PHACTR2: variants seen among roughly 807,000 people sequenced by gnomAD.
PHACTR2 encodes phosphatase and actin regulator 2.
A neutral mutation model predicts 76.0 loss-of-function variants in PHACTR2; 30 were observed. The observed-to-expected ratio is 0.39, with a 90% confidence interval of 0.30 to 0.54. The LOEUF (loss-of-function observed/expected upper bound fraction) is 0.54. Among genes scored for constraint, PHACTR2 ranks in the 20% least tolerant of loss-of-function variants. The pLI is 0.61. For synonymous variants in PHACTR2, 292 were observed against 292.5 expected (o/e 1.00, Z 0.02); for missense variants, 696 against 781.1 (o/e 0.89, Z 1.30).
chr6:143,622,688 T>C (rs1318108202), intron 1 of PHACTR2, among the ~76,000 whole-genome samples: 1 of 152,208 alleles, frequency 6.6e-6, no homozygotes, highest in African/African-American at 2.4e-5. Context: ...ATGAGGTTAG[T>C]AAAAATCCTT....
At chr6:143,563,580 C>T (rs1775315610) in intron 1 of PHACTR2, among the ~76,000 whole-genome samples, 1 of 136,602 alleles carries the variant, frequency 7.3e-6, no homozygotes, top group Non-Finnish European at 1.6e-5. Flanking sequence ...AAGAAGAAAC[C>T]CTGTGTTCTT....
chr6:143,645,463 G>A lies in PHACTR2; in HGVS notation c.13+37141G>A, dbSNP rs575264953. ...ATGTTATTTGGTTTTTATAACAGGA[G>A]ATATAGCTTGTTTATTTCAAGCCAC... On this transcript the variant is annotated intron_variant, in intron 1 of 11. Transcript: ENST00000305766. Among the ~76,000 whole-genome samples, 10 of 152,240 alleles carry A rather than the reference G, an allele frequency of 6.6e-5. No individual in the cohort carries two copies. The East Asian group carries it at 1.9e-3, about 29-fold the overall frequency.
In PHACTR2 at chr6:143,652,053, T is replaced by A. The variant is rs1220084920; in HGVS notation, c.13+43731T>A. ...AGCCTCCAGCCTGAGAAATTAAAGTTCTGTTGTTTAAGCAAAAAAAAAAAA... is the reference window on the plus strand; with the variant it reads ...AGCCTCCAGCCTGAGAAATTAAAGTACTGTTGTTTAAGCAAAAAAAAAAAA... On this transcript the variant is annotated intron_variant, in intron 1 of 11. Coordinates refer to the PHACTR2 transcript ENST00000305766. The surrounding 1 kb of genome is among the most constrained non-coding windows in gnomAD (Gnocchi z 4.5). Among the ~76,000 whole-genome samples, 1 of 142,774 alleles carries A rather than the reference T, an allele frequency of 7.0e-6. No homozygotes were observed. The highest frequency in any genetic ancestry group is 2.7e-5 in the African/African-American group (1 of 37,344). 93.7% of individuals were successfully genotyped at this position (142,774 alleles called of 152,430 possible). A position where few individuals can be genotyped will look rare whatever the true frequency, so the allele number is the denominator to read the frequency against.
intron 11 of PHACTR2, among the ~76,000 whole-genome samples, chr6:143,796,992 TTCCAAATGGTTGAACTAATTTACAC>T (rs1245689293): frequency 6.6e-6 from 1 of 152,222 alleles, no homozygotes; most frequent in Non-Finnish European, 1.5e-5. Context: ...CCACACTGTC[TTCCAAATGGTTGAACTAATTTACAC>T]TCCCACTAAC....
rs1776061909 is a variant in PHACTR2 at position 143,616,594 on chromosome 6, T to A, written c.13+8272T>A. ...TGGTCACCCACTCTGTGCCACGCAA[T>A]GTCCTAGTTAGTGTGGATATGAGAG... On this transcript the variant is annotated intron_variant, in intron 1 of 11. Coordinates refer to the PHACTR2 transcript ENST00000305766. The surrounding 1 kb of genome is among the most constrained non-coding windows in gnomAD (Gnocchi z 4.9). 6.6e-6 allele frequency among the ~76,000 whole-genome samples: 1 copy of A among 152,168 alleles called. No homozygotes were observed. The highest frequency in any genetic ancestry group is 1.5e-5 in the Non-Finnish European group (1 of 68,044).
chr6:143,731,572 C>T lies in PHACTR2; in HGVS notation c.215-17413C>T, dbSNP rs1278019009. The stretch of plus-strand genomic sequence containing the variant: ...AAAGTGCTGGGATTACAGGCATGAG[C>T]TACGGCGCCCAGCCAGCCCCACTGT... On this transcript the variant is annotated intron_variant, in intron 2 of 12. Transcript: ENST00000440869. The surrounding 1 kb of genome is among the most constrained non-coding windows in gnomAD (Gnocchi z 4.9). Among the ~76,000 whole-genome samples, 1 of 152,114 alleles carries T rather than the reference C, an allele frequency of 6.6e-6. No individual in the cohort carries two copies. The highest frequency in any genetic ancestry group is 2.4e-5 in the African/African-American group (1 of 41,422).
chr6:143,616,757 G>C lies in PHACTR2; in HGVS notation c.13+8435G>C, dbSNP rs1428526280. Among the ~76,000 whole-genome samples, 1 of 152,186 alleles carries C rather than the reference G, an allele frequency of 6.6e-6. No individual in the cohort carries two copies. Among genetic ancestry groups the C allele is most frequent in the Non-Finnish European group, 1.5e-5 (1 of 68,032 alleles). On this transcript the variant is annotated intron_variant, in intron 1 of 11. Coordinates refer to the PHACTR2 transcript ENST00000305766. The surrounding 1 kb of genome is among the most constrained non-coding windows in gnomAD (Gnocchi z 4.9). ...TGGTATTTGGATAAGGAATGAGGTT[G>C]GGGTGGAGGCTACGCCAGACTCGGT...
chr6:143,682,976 G>A (rs918936716), intron 1 of PHACTR2, among the ~76,000 whole-genome samples: 1 of 152,204 alleles, frequency 6.6e-6, no homozygotes, highest in South Asian at 2.1e-4. Context: ...CTATTCATTT[G>A]TCATGTTACG....
At chr6:143,544,141 A>C (rs1311267847) in intron 1 of PHACTR2, among the ~76,000 whole-genome samples, 1 of 151,980 alleles carries the variant, frequency 6.6e-6, no homozygotes, top group East Asian at 1.9e-4. Context: ...TGTTACTCTA[A>C]ACTTGCCCTG....
chr6:143,759,679 CA>C (rs796561358), intron 4 of PHACTR2, among the ~76,000 whole-genome samples: 929 of 68,052 alleles, frequency 0.014, 3 homozygotes, highest in African/African-American at 0.029. Context: ...CACACACATA[CA>C]AAAAAAAAAA....
At chr6:143,682,000 G>A (rs1330450107) in intron 1 of PHACTR2, among the ~76,000 whole-genome samples, 1 of 152,176 alleles carries the variant, frequency 6.6e-6, no homozygotes, top group East Asian at 1.9e-4. Context: ...AAACCTAGAA[G>A]TATGAGTTTT....
At chr6:143,711,194 G>T in intron 1 of PHACTR2, 39 of 345,138 alleles carry the variant, frequency 1.1e-4, no homozygotes, top group East Asian at 2.6e-4. Flanking sequence ...CTACTGTTTT[G>T]ATTTTTTCTT....
At chr6:143,746,923 A>G (rs916589568) in intron 2 of PHACTR2, among the ~76,000 whole-genome samples, 3 of 152,090 alleles carry the variant, frequency 2.0e-5, no homozygotes, top group African/African-American at 7.2e-5. Flanking sequence ...TGCTTCTGGA[A>G]GATACAGGAA....
intron 11 of PHACTR2, among the ~76,000 whole-genome samples, chr6:143,796,590 G>A (rs1474199236): frequency 6.6e-6 from 1 of 151,650 alleles, no homozygotes; most frequent in African/African-American, 2.4e-5. Context: ...GCCCCAGTGT[G>A]TGATGTTCCC....
intron 12 of PHACTR2, among the ~76,000 whole-genome samples, chr6:143,808,838 T>C (rs1776117450): frequency 6.6e-6 from 1 of 152,188 alleles, no homozygotes; most frequent in African/African-American, 2.4e-5. Context: ...CAACAACATG[T>C]CCCTATCAAG....
chr6:143,743,499 A>C lies in PHACTR2; in HGVS notation c.215-5486A>C, dbSNP rs988584417. 6.6e-6 allele frequency among the ~76,000 whole-genome samples: 1 copy of C among 152,328 alleles called. No individual in the cohort carries two copies. Among genetic ancestry groups the C allele is most frequent in the African/African-American group, 2.4e-5 (1 of 41,578 alleles). ...TGTTGGCTTTGTATCTCTGCTGTACATTCTTGGGATGTTTTGGAAGGTTTT... is the reference window on the plus strand; with the variant it reads ...TGTTGGCTTTGTATCTCTGCTGTACCTTCTTGGGATGTTTTGGAAGGTTTT... On this transcript the variant is annotated intron_variant, in intron 2 of 12. Coordinates refer to ENST00000440869, the MANE Select transcript of PHACTR2 (RefSeq NM_001100164.2). This position sits in a 1 kb window ranked among gnomAD's most constrained non-coding sequence, Gnocchi z 5.0.
At chr6:143,569,176 C>T (rs1436542450) in intron 1 of PHACTR2, among the ~76,000 whole-genome samples, 1 of 152,190 alleles carries the variant, frequency 6.6e-6, no homozygotes, top group East Asian at 1.9e-4. Context: ...TGGTTCCAGC[C>T]AGTGTGGGCT....
intron 1 of PHACTR2, among the ~76,000 whole-genome samples, chr6:143,626,780 G>A (rs1776268344): frequency 6.6e-6 from 1 of 152,146 alleles, no homozygotes. Context: ...ATGATGTGAA[G>A]CGTGTCAATT....
At position 143,553,352 on chromosome 6, in the gene PHACTR2, TGAA is replaced by T. The variant is rs1443544829; in HGVS notation, c.217+16147_217+16149del. Among the ~76,000 whole-genome samples the T allele has an allele frequency of 6.6e-6, 1 of 152,042 alleles. No homozygotes were observed. The highest frequency in any genetic ancestry group is 1.9e-4 in the East Asian group (1 of 5,188). On this transcript the variant is annotated intron_variant, in intron 1 of 11. Transcript: ENST00000367584. This position sits in a 1 kb window ranked among gnomAD's most constrained non-coding sequence, Gnocchi z 4.2. ...GTGACTGTGCATTTTAAAGAGAGAA[TGAA>T]GGAGTATAGAGGGAGGTGAACAGAG...
Sources: gnomAD v4.1 joint callset for allele counts (sites outside exome capture counted in the v4.1 genomes callset) on GRCh38, gnomAD v4.1.1 for gene constraint, Gnocchi (gnomAD v3.1) non-coding constraint, MANE v1.5 for transcripts, NCBI Gene and HGNC (gene_info 2026-07-23, HGNC 2026-07-21) for gene names.